PGCKA1: variants seen among roughly 807,000 people sequenced by gnomAD.
The protein encoded by PGCKA1 is PDCD10 and GCKIII kinases associated 1.
At chr4:37,568,739 C>A in the PGCKA1 span, among the ~76,000 whole-genome samples, 1 of 152,306 alleles carries the variant, frequency 6.6e-6, no homozygotes, top group Admixed American at 6.5e-5. Context: ...CAGCATAATT[C>A]TCAGGATTTG....
chr4:37,571,252 A>G, the PGCKA1 span, among the ~76,000 whole-genome samples: 5 of 150,288 alleles, frequency 3.3e-5, no homozygotes, highest in Non-Finnish European at 5.9e-5. Flanking sequence ...GGGACTATAT[A>G]TGGTCTTCAG....
chr4:37,561,893 A>T, the PGCKA1 span, among the ~76,000 whole-genome samples: 1 of 152,240 alleles, frequency 6.6e-6, no homozygotes, highest in African/African-American at 2.4e-5. Context: ...CAGGGCTAAC[A>T]GCACTATGAC....
the PGCKA1 span, among the ~76,000 whole-genome samples, chr4:37,592,398 A>G: frequency 6.6e-6 from 1 of 151,812 alleles, no homozygotes; most frequent in Non-Finnish European, 1.5e-5. Context: ...ATTATACTCA[A>G]GGAAGGGACC....
At chr4:37,582,723 T>C in the PGCKA1 span, among the ~76,000 whole-genome samples, 21 of 152,228 alleles carry the variant, frequency 1.4e-4, no homozygotes, top group African/African-American at 4.8e-4. Flanking sequence ...TGCCATTGAT[T>C]AGTCTCATTA....
At chr4:37,564,943 G>T in the PGCKA1 span, among the ~76,000 whole-genome samples, 1 of 144,718 alleles carries the variant, frequency 6.9e-6, no homozygotes, top group African/African-American at 2.6e-5. Flanking sequence ...CTGTCTACAA[G>T]ATTCCACCCC....
At chr4:37,515,925 T>C in the PGCKA1 span, among the ~76,000 whole-genome samples, 1 of 152,354 alleles carries the variant, frequency 6.6e-6, no homozygotes, top group East Asian at 1.9e-4. Flanking sequence ...ACATACATCA[T>C]TGCTTAGGCC....
chr4:37,460,578 C>T, the PGCKA1 span: 1 of 453,548 alleles, frequency 2.2e-6, no homozygotes, highest in East Asian at 7.0e-5. Context: ...TTGCATTTGT[C>T]TAATGATCAG....
At chr4:37,471,656 A>G in the PGCKA1 span, among the ~76,000 whole-genome samples, 1 of 152,164 alleles carries the variant, frequency 6.6e-6, no homozygotes, top group Non-Finnish European at 1.5e-5. Context: ...GGAAAGATCA[A>G]AGAGGTATAT....
chr4:37,587,343 A>G, the PGCKA1 span, among the ~76,000 whole-genome samples: 2 of 152,142 alleles, frequency 1.3e-5, no homozygotes, highest in South Asian at 4.1e-4. Context: ...GGTATTATTT[A>G]TAGGTTCCAG....
At chr4:37,515,214 A>C in the PGCKA1 span, among the ~76,000 whole-genome samples, 1 of 152,202 alleles carries the variant, frequency 6.6e-6, no homozygotes, top group Non-Finnish European at 1.5e-5. Context: ...ATAAGAAGAC[A>C]GTGGTCTGAA....
chr4:37,560,871 C>T, the PGCKA1 span, among the ~76,000 whole-genome samples: 1 of 152,140 alleles, frequency 6.6e-6, no homozygotes, highest in African/African-American at 2.4e-5. Flanking sequence ...CTTTTTCCTC[C>T]TTGGCTTATA....
chr4:37,519,757 T>C, the PGCKA1 span, among the ~76,000 whole-genome samples: 1 of 152,222 alleles, frequency 6.6e-6, no homozygotes, highest in African/African-American at 2.4e-5. Flanking sequence ...CCTTTATATC[T>C]TTCTCTTATT....
the PGCKA1 span, among the ~76,000 whole-genome samples, chr4:37,499,918 CTTT>C: frequency 2.5e-5 from 2 of 79,256 alleles, no homozygotes; most frequent in African/African-American, 5.5e-5. Flanking sequence ...GTCTTCCTAA[CTTT>C]TTTTTTTTTT....
chr4:37,454,923 G>C, the PGCKA1 span, among the ~76,000 whole-genome samples: 2 of 152,200 alleles, frequency 1.3e-5, no homozygotes, highest in African/African-American at 4.8e-5. Context: ...TATTTGCCCT[G>C]TGAATTTAGA....
At chr4:37,522,535 A>C in the PGCKA1 span, among the ~76,000 whole-genome samples, 1 of 152,076 alleles carries the variant, frequency 6.6e-6, no homozygotes, top group South Asian at 2.1e-4. Flanking sequence ...CAATTCCTGG[A>C]ATCTGGGACC....
the PGCKA1 span, among the ~76,000 whole-genome samples, chr4:37,464,006 C>T: frequency 1.6e-3 from 237 of 152,202 alleles, no homozygotes; most frequent in African/African-American, 5.2e-3. Context: ...CAAGTACACC[C>T]GCGCCCATAA....
the PGCKA1 span, among the ~76,000 whole-genome samples, chr4:37,473,951 C>A: frequency 1.3e-3 from 193 of 152,286 alleles, no homozygotes; most frequent in African/African-American, 4.4e-3. Context: ...ATCGGTGCTC[C>A]ACCTTCAAGC....
the PGCKA1 span, among the ~76,000 whole-genome samples, chr4:37,512,067 G>A: frequency 4.2e-4 from 64 of 152,344 alleles, 1 homozygote; most frequent in Admixed American, 1.5e-3. Context: ...TCTTTCAAGT[G>A]CACAGATTCT....
chr4:37,511,664 G>T, the PGCKA1 span, among the ~76,000 whole-genome samples: 1 of 152,124 alleles, frequency 6.6e-6, no homozygotes, highest in African/African-American at 2.4e-5. Context: ...GCTGCCTGGG[G>T]TTGGTAGGAG....
Sources: allele counts gnomAD v4.1 joint callset (sites outside exome capture counted in the v4.1 genomes callset), GRCh38; gene constraint gnomAD v4.1.1; transcripts MANE v1.5; gene names NCBI Gene and HGNC (gene_info 2026-07-23, HGNC 2026-07-21).